The following OTUD7A variants were observed in gnomAD, a reference collection of about 807,000 sequenced individuals.
OTUD7A encodes the protein OTU deubiquitinase 7A.
A neutral mutation model predicts 65.7 loss-of-function variants in OTUD7A; 12 were observed. The observed-to-expected ratio is 0.18, with a 90% CI of 0.12 to 0.30. The LOEUF (loss-of-function observed/expected upper bound fraction) is 0.30, where lower values mean the gene tolerates loss of function less well. OTUD7A is among the 10% of genes least tolerant of loss of function. OTUD7A has a pLI of 1.00. For missense variants in OTUD7A, 1,148 were observed against 1,304.8 expected, an observed-to-expected ratio of 0.88 and a Z score of 1.85; for synonymous variants, 641 against 586.3, an observed-to-expected ratio of 1.09 and a Z score of -1.35.
At chr15:31,539,367 G>T (rs1887914522) in intron 5 of OTUD7A, among the ~76,000 whole-genome samples, 1 of 95,378 alleles carries the variant, frequency 1.0e-5, no homozygotes, top group Non-Finnish European at 2.2e-5. Flanking sequence ...AGTAACCCAG[G>T]GTCATATGAC....
chr15:31,863,585 G>C (rs1044360045), intron 1 of OTUD7A, among the ~76,000 whole-genome samples: 1 of 152,174 alleles, frequency 6.6e-6, no homozygotes, highest in Admixed American at 6.5e-5. Context: ...GCCCCTTTTG[G>C]CCACGGGTGG....
intron 1 of OTUD7A, among the ~76,000 whole-genome samples, chr15:31,760,952 ATGGTCGGGC>A (rs2140903390): frequency 6.6e-6 from 1 of 152,232 alleles, no homozygotes; most frequent in South Asian, 2.1e-4. Context: ...TTAACAAATA[ATGGTCGGGC>A]AACTTAGTAT....
At chr15:31,623,404 G>A (rs1186522188) in intron 3 of OTUD7A, among the ~76,000 whole-genome samples, 2 of 152,214 alleles carry the variant, frequency 1.3e-5, no homozygotes, top group Non-Finnish European at 2.9e-5. Flanking sequence ...GAGCTGCAGT[G>A]GGCTCCACCC....
chr15:31,841,406 A>G (rs538501625), intron 1 of OTUD7A, among the ~76,000 whole-genome samples: 1 of 152,304 alleles, frequency 6.6e-6, no homozygotes, highest in Non-Finnish European at 1.5e-5. Flanking sequence ...CTGACGATGC[A>G]GGACACAAGG....
chr15:31,620,975 C>A (rs1205145042), intron 3 of OTUD7A, among the ~76,000 whole-genome samples: 3 of 140,024 alleles, frequency 2.1e-5, no homozygotes, highest in Non-Finnish European at 4.5e-5. Context: ...TGTCTTTGTT[C>A]TCGTTGGTTT....
At chr15:31,799,000 C>T (rs1414805163) in intron 1 of OTUD7A, among the ~76,000 whole-genome samples, 1 of 152,190 alleles carries the variant, frequency 6.6e-6, no homozygotes, top group Non-Finnish European at 1.5e-5. Context: ...CAAGGAGGGG[C>T]CAGGGTGGAG....
rs753766221 is a variant in OTUD7A at position 31,487,593 on chromosome 15, T to C, written c.1172-27A>G. 1.3e-6 allele frequency: 2 copies of C among 1,591,932 alleles called. No individual in the cohort carries two copies. Among genetic ancestry groups the C allele is most frequent in the Non-Finnish European group, 1.7e-6 (2 of 1,167,326 alleles). ...TGGAACAGAAGAGACAGAGCCGTGC[T>C]TGGAGCCCCGGCAGTCCCCAGGCAG... is the stretch of plus-strand genomic sequence containing the variant. On this transcript the variant is annotated intron_variant, in intron 10 of 12. Transcript: ENST00000307050. This position sits in a 1 kb window ranked among gnomAD's most constrained non-coding sequence, Gnocchi z 6.0.
At chr15:31,814,234 A>G (rs1213678122) in intron 1 of OTUD7A, among the ~76,000 whole-genome samples, 1 of 152,256 alleles carries the variant, frequency 6.6e-6, no homozygotes, top group Non-Finnish European at 1.5e-5. Context: ...AGGGTGCTCT[A>G]AAGGATCATG....
chr15:31,522,802 C>T (rs753836182), intron 8 of OTUD7A, among the ~76,000 whole-genome samples: 2 of 152,346 alleles, frequency 1.3e-5, no homozygotes, highest in South Asian at 4.1e-4. Context: ...CTCACACCCA[C>T]ACCTGGTCTC....
At chr15:31,856,093 A>G (rs1897564663) in intron 1 of OTUD7A, among the ~76,000 whole-genome samples, 1 of 152,266 alleles carries the variant, frequency 6.6e-6, no homozygotes, top group Non-Finnish European at 1.5e-5. Flanking sequence ...GCTCTAAGAA[A>G]TAAGACATGT....
At chr15:31,791,498 G>T (rs544641683) in intron 1 of OTUD7A, among the ~76,000 whole-genome samples, 1 of 152,222 alleles carries the variant, frequency 6.6e-6, no homozygotes, top group South Asian at 2.1e-4. Context: ...TCAATGAAAT[G>T]CCCACATCTC....
At chr15:31,821,782 T>C (rs1261578817) in intron 1 of OTUD7A, among the ~76,000 whole-genome samples, 1 of 152,220 alleles carries the variant, frequency 6.6e-6, no homozygotes, top group Admixed American at 6.5e-5. Context: ...TCAACACTTG[T>C]CTGTGTTTTT....
intron 1 of OTUD7A, among the ~76,000 whole-genome samples, chr15:31,841,775 C>T (rs10519688): frequency 0.32 from 48,335 of 151,974 alleles, 8,380 homozygotes; most frequent in South Asian, 0.56. Flanking sequence ...ATGTACTCTA[C>T]CTGGAAACCT....
chr15:31,778,489 C>T (rs765089264), intron 1 of OTUD7A, among the ~76,000 whole-genome samples: 41 of 152,208 alleles, frequency 2.7e-4, no homozygotes, highest in Non-Finnish European at 4.4e-4. Context: ...CTCTAGTTGA[C>T]CAATGCCCTG....
intron 3 of OTUD7A, among the ~76,000 whole-genome samples, chr15:31,610,533 C>G (rs1890370346): frequency 6.8e-6 from 1 of 146,074 alleles, no homozygotes; most frequent in South Asian, 2.1e-4. Flanking sequence ...GGGACTTTCT[C>G]CAAGATAGAC....
rs1449966448 is a variant in OTUD7A at position 31,618,279 on chromosome 15, T to C, written c.151+36817A>G. 2.0e-5 allele frequency among the ~76,000 whole-genome samples: 3 copies of C among 152,218 alleles called. No individual in the cohort carries two copies. The East Asian group carries it at 5.8e-4, about 29-fold the overall frequency. On this transcript the variant is annotated intron_variant, in intron 3 of 12. Transcript: ENST00000307050. ...TTTATAGCAGCATGATTTATAATCC[T>C]TTGGGTATATACCCAGTAATGGGAT...
chr15:31,728,580 G>T (rs1019857950), intron 1 of OTUD7A, among the ~76,000 whole-genome samples: 1 of 151,786 alleles, frequency 6.6e-6, no homozygotes, highest in African/African-American at 2.4e-5. Context: ...CCTGCTTTGT[G>T]AGCTTTCTTC....
chr15:31,658,357 A>T (rs950115081), intron 1 of OTUD7A, among the ~76,000 whole-genome samples: 4 of 152,276 alleles, frequency 2.6e-5, no homozygotes, highest in Admixed American at 1.3e-4. Flanking sequence ...TGAAGGCAGG[A>T]ATAAGGGGCC....
chr15:31,868,765 G>A (rs768191846), intron 1 of OTUD7A, among the ~76,000 whole-genome samples: 2 of 152,164 alleles, frequency 1.3e-5, no homozygotes, highest in Non-Finnish European at 2.9e-5. Flanking sequence ...GCCCAAGTGA[G>A]ACCCGCACGT....
Sources: allele counts gnomAD v4.1 joint callset (sites outside exome capture counted in the v4.1 genomes callset), GRCh38; gene constraint gnomAD v4.1.1; non-coding constraint Gnocchi (gnomAD v3.1); transcripts MANE v1.5; gene names NCBI Gene and HGNC (gene_info 2026-07-23, HGNC 2026-07-21).